GNA11: variants seen among roughly 807,000 people sequenced by gnomAD.
GNA11 encodes guanine nucleotide-binding protein subunit alpha-11.
Under a neutral mutation model 38.2 loss-of-function variants are expected in GNA11, and 8 were observed. That is an observed-to-expected ratio of 0.21 (90% CI 0.12 to 0.38). The LOEUF (loss-of-function observed/expected upper bound fraction) is 0.38, where lower values mean the gene tolerates loss of function less well. Among genes scored for constraint, GNA11 ranks in the 10% least tolerant of loss-of-function variants. The probability of loss-of-function intolerance (pLI) is 1.00; values close to 1 mark genes in which losing one functional copy is unlikely to be tolerated. For missense variants in GNA11, 268 were observed against 516.3 expected, an observed-to-expected ratio of 0.52 and a Z score of 4.66; for synonymous variants, 211 against 221.4, an observed-to-expected ratio of 0.95 and a Z score of 0.42.
At position 3,095,065 on chromosome 19, in the gene GNA11, C is replaced by A. The variant is rs957809035; in HGVS notation, c.136+278C>A. On this transcript the variant is annotated intron_variant, in intron 1 of 6. Transcript: ENST00000078429. ...GTCGTCTGGGTCGGCTCGGGACCCTCTGGGGTCAGCCCTGCCTTTGCTGTC... is the reference window on the plus strand; with the variant it reads ...GTCGTCTGGGTCGGCTCGGGACCCTATGGGGTCAGCCCTGCCTTTGCTGTC... 1.7e-4 allele frequency among the ~76,000 whole-genome samples: 26 copies of A among 151,706 alleles called. 1 individual carries two copies. Among genetic ancestry groups the A allele is most frequent in the African/African-American group, 5.6e-4 (23 of 41,262 alleles).
chr19:3,095,183 G>C (rs1040851535), intron 1 of GNA11, among the ~76,000 whole-genome samples: 5 of 152,128 alleles, frequency 3.3e-5, no homozygotes, highest in African/African-American at 1.2e-4. Flanking sequence ...TGGCACCTGG[G>C]ACTCTCCGGT....
At chr19:3,097,668 G>T (rs941450608) in intron 1 of GNA11, among the ~76,000 whole-genome samples, 27 of 152,186 alleles carry the variant, frequency 1.8e-4, no homozygotes, top group African/African-American at 4.6e-4. Flanking sequence ...TTTTCGGGGT[G>T]GGGGGGACCT....
rs1914153648 is a variant in GNA11, at chr19:3,123,994, C to T, written c.*2815C>T. On this transcript the variant is annotated 3_prime_UTR_variant, in exon 7 of 7. Transcript: ENST00000078429. ...GTTTTAAATTGGAATAAATTTTGTTCCTAAATGCTGGCGGCCCCCTTCTGG... is the reference window on the plus strand; with the variant it reads ...GTTTTAAATTGGAATAAATTTTGTTTCTAAATGCTGGCGGCCCCCTTCTGG... 1.9e-5 allele frequency: 4 copies of T among 213,796 alleles called. No individual in the cohort carries two copies. The South Asian group carries it at 5.6e-4, about 30-fold the overall frequency. The allele number at this position is 213,796 out of a possible 1,614,324, so 13.2% of individuals were successfully genotyped here. A position where few individuals can be genotyped will look rare whatever the true frequency, so the allele number is the denominator to read the frequency against.
chr19:3,123,406 C>T lies in GNA11; in HGVS notation c.*2227C>T, dbSNP rs897146748. On this transcript the variant is annotated 3_prime_UTR_variant, in exon 7 of 7. Transcript: ENST00000078429. ...TGCAGGCCCAGGGCAGGGGTGCCTG[C>T]CCCAGGAGAGTCCCAGGCAGTGGTT... The T allele has an allele frequency of 3.0e-5, 7 of 232,520 alleles. No homozygotes were observed. The highest frequency in any genetic ancestry group is 5.1e-5 in the Non-Finnish European group (6 of 118,104). The allele number at this position is 232,520 out of a possible 1,614,324, so 14.4% of individuals were successfully genotyped here.
intron 4 of GNA11, chr19:3,117,921 C>G (rs988680863): frequency 6.6e-6 from 1 of 152,368 alleles, no homozygotes; most frequent in Non-Finnish European, 1.5e-5. Flanking sequence ...TGCCGGCCGC[C>G]GCAGGCGTGC....
In GNA11 at chr19:3,097,754, G is replaced by A. The variant is rs1026182330; in HGVS notation, c.136+2967G>A. Among the ~76,000 whole-genome samples, 5 of 150,818 alleles carry A rather than the reference G, an allele frequency of 3.3e-5. No individual in the cohort carries two copies. In the South Asian group the frequency reaches 6.6e-4, roughly 20 times the overall value. On this transcript the variant is annotated intron_variant, in intron 1 of 6. Coordinates refer to ENST00000078429, the MANE Select transcript of GNA11 (RefSeq NM_002067.5). ...GCGGCGGCTAAAATGTGCTGTTCAC[G>A]CCTCAGATGGGCCTCTCCGTTACGT...
Position 3,094,867 on chromosome 19 carries a change from C to G in GNA11, c.136+80C>G, listed in dbSNP as rs557411836. ...CCTGCCTGTCCGGGTCGGGCCGGGA[C>G]CCTCCGGGGTCAGCCCTGCCTGTGC... On this transcript the variant is annotated intron_variant, in intron 1 of 6. Transcript: ENST00000078429. This position sits in a 1 kb window ranked among gnomAD's most constrained non-coding sequence, Gnocchi z 6.0. 360 of 1,126,648 alleles carry G rather than the reference C, an allele frequency of 3.2e-4. 2 individuals carry two copies. In the African/African-American group the frequency reaches 4.8e-3, roughly 15 times the overall value. The allele number at this position is 1,126,648 out of a possible 1,614,324, so 69.8% of individuals were successfully genotyped here.
Position 3,110,433 on chromosome 19 carries a change from C to A in GNA11, c.321+100C>A. 3.2e-6 allele frequency: 3 copies of A among 929,094 alleles called. No individual in the cohort carries two copies. Among genetic ancestry groups the A allele is most frequent in the Admixed American group, 2.4e-5 (1 of 41,794 alleles). 57.6% of individuals were successfully genotyped at this position (929,094 alleles called of 1,614,324 possible). A position where few individuals can be genotyped will look rare whatever the true frequency, so the allele number is the denominator to read the frequency against. On this transcript the variant is annotated intron_variant, in intron 2 of 6. Transcript: ENST00000078429. This position sits in a 1 kb window ranked among gnomAD's most constrained non-coding sequence, Gnocchi z 5.4. Reference sequence around the variant, plus strand: ...GCCAGGGTGGGGCCATGCCGGGGGTCCCGGCCGGCCCAGGCTACCCCTGGT... The same window carrying A: ...GCCAGGGTGGGGCCATGCCGGGGGTACCGGCCGGCCCAGGCTACCCCTGGT...
chr19:3,114,816 T>C, intron 3 of GNA11, 128 bp from the exon 4 acceptor site: 2 of 858,356 alleles, frequency 2.3e-6, no homozygotes, highest in Admixed American at 2.4e-5. Flanking sequence ...GACACTGCCG[T>C]AGGTGGCGCA....
In GNA11 at chr19:3,119,349, C is replaced by T. The variant is rs372711795; in HGVS notation, c.879C>T (p.Pro293=). 8.6e-5 allele frequency: 139 copies of T among 1,613,496 alleles called. No individual in the cohort carries two copies. The highest frequency in any genetic ancestry group is 1.7e-4 in the Middle Eastern group (1 of 6,060). ...ILYSHLVDYF[P]EFDGPQRDAQ... ...ACTCGCACCTGGTGGACTACTTCCC[C>T]GAGTTCGATGGTGCGCCGGGCTGCG... The change falls in exon 6 of 7, where the codon CCC becomes CCT. Residue 293 remains proline (P), a synonymous_variant. Transcript: ENST00000078429. This position sits in a 1 kb window ranked among gnomAD's most constrained non-coding sequence, Gnocchi z 4.6.
rs1200011624 is a variant in GNA11, at chr19:3,110,491, A to G, written c.321+158A>G. ...CCGTTCCTGTCATGGACATGGAAAC[A>G]GCAACCGCTGACTTCCTGGGGGCCA... On this transcript the variant is annotated intron_variant, in intron 2 of 6. Transcript: ENST00000078429. This position sits in a 1 kb window ranked among gnomAD's most constrained non-coding sequence, Gnocchi z 5.4. Among the ~76,000 whole-genome samples, 4 of 152,212 alleles carry G rather than the reference A, an allele frequency of 2.6e-5. No homozygotes were observed. The highest frequency in any genetic ancestry group is 9.6e-5 in the African/African-American group (4 of 41,458).
intron 4 of GNA11, chr19:3,115,280 C>T (rs936577283): frequency 5.8e-6 from 3 of 513,000 alleles, no homozygotes; most frequent in East Asian, 3.7e-5. Flanking sequence ...TTGTGTGCAC[C>T]TGTGGTCCCA....
At chr19:3,101,370 G>C (rs1913503166) in intron 1 of GNA11, among the ~76,000 whole-genome samples, 1 of 152,096 alleles carries the variant, frequency 6.6e-6, no homozygotes, top group South Asian at 2.1e-4. Flanking sequence ...CACGGCTGTG[G>C]TGGGGCTGGG....
At chr19:3,103,006 C>T (rs1222612326) in intron 1 of GNA11, among the ~76,000 whole-genome samples, 1 of 152,190 alleles carries the variant, frequency 6.6e-6, no homozygotes, top group Non-Finnish European at 1.5e-5. Flanking sequence ...CTGGCCTGGC[C>T]TCCCCGCAGC....
chr19:3,116,832 C>T (rs1037519917), intron 4 of GNA11, among the ~76,000 whole-genome samples: 10 of 152,170 alleles, frequency 6.6e-5, no homozygotes, highest in East Asian at 1.9e-4. Context: ...GGTGCACTGC[C>T]GAGGCCATTG....
rs28625082 is a variant in GNA11 at position 3,108,546 on chromosome 19, G to A, written c.137-1603G>A. On this transcript the variant is annotated intron_variant, in intron 1 of 6. Coordinates refer to ENST00000078429, the MANE Select transcript of GNA11 (RefSeq NM_002067.5). This position sits in a 1 kb window ranked among gnomAD's most constrained non-coding sequence, Gnocchi z 4.5. ...GCCTGGAGAAGTGGGCTGGGGGCAT[G>A]CTGGGAGGGGGCGGTGACGCTTGAG... Among the ~76,000 whole-genome samples, 36,481 of 150,364 alleles carry A rather than the reference G, an allele frequency of 0.24. 4,787 individuals carry two copies. The highest frequency in any genetic ancestry group is 0.32 in the Middle Eastern group (92 of 292).
intron 4 of GNA11, among the ~76,000 whole-genome samples, chr19:3,116,451 A>G (rs1913924788): frequency 8.4e-6 from 1 of 119,162 alleles, no homozygotes; most frequent in Non-Finnish European, 1.9e-5. Context: ...TGGCGGCCGC[A>G]TCCTTGGCAT....
chr19:3,105,084 G>A (rs1241419605), intron 1 of GNA11, among the ~76,000 whole-genome samples: 1 of 151,598 alleles, frequency 6.6e-6, no homozygotes, highest in African/African-American at 2.4e-5. Context: ...CCTCGTGGCA[G>A]GGAGGGAGGG....
rs2145326690 is a variant in GNA11 at position 3,119,137 on chromosome 19, C to T, written c.736-69C>T. On this transcript the variant is annotated intron_variant, in intron 5 of 6. Coordinates refer to ENST00000078429, the MANE Select transcript of GNA11 (RefSeq NM_002067.5). The surrounding 1 kb of genome is among the most constrained non-coding windows in gnomAD (Gnocchi z 4.6). The stretch of plus-strand genomic sequence containing the variant: ...CCTGGGTCCCCTCACCTGGGTCCCC[C>T]CAGCTGCCCCTTGGGCTGTGTGCAG... The T allele has an allele frequency of 1.2e-6, 2 of 1,603,104 alleles. No homozygotes were observed. Among genetic ancestry groups the T allele is most frequent in the Non-Finnish European group, 1.7e-6 (2 of 1,171,594 alleles).
Sources: allele counts gnomAD v4.1 joint callset (sites outside exome capture counted in the v4.1 genomes callset), GRCh38; gene constraint gnomAD v4.1.1; non-coding constraint Gnocchi (gnomAD v3.1); transcripts MANE v1.5; gene names NCBI Gene and HGNC (gene_info 2026-07-23, HGNC 2026-07-21).